Variants in TAFA5 observed in about 807,000 individuals in gnomAD.
TAFA5 encodes the protein chemokine-like protein TAFA-5.
In TAFA5, 6 loss-of-function variants were observed where a neutral mutation model predicts 15.3. The ratio of observed to expected loss-of-function variants is 0.39; its 90% CI spans 0.21 to 0.77. The LOEUF is 0.77. TAFA5 is among the 30% of genes least tolerant of loss of function. The probability of loss-of-function intolerance (pLI) is 0.41; values close to 1 mark genes in which losing one functional copy is unlikely to be tolerated. For synonymous variants in TAFA5, 103 were observed against 80.7 expected (o/e 1.28, Z -1.48); for missense variants, 161 against 193.1 (o/e 0.83, Z 0.98).
chr22:48,726,981 T>C (rs1337843681), intron 3 of TAFA5, among the ~76,000 whole-genome samples: 1 of 152,138 alleles, frequency 6.6e-6, no homozygotes, highest in Non-Finnish European at 1.5e-5. Flanking sequence ...TTCAGGTGTA[T>C]CTTCCGTACG....
chr22:48,547,986 A>AGTC (rs891665398), intron 1 of TAFA5, among the ~76,000 whole-genome samples: 1 of 152,116 alleles, frequency 6.6e-6, no homozygotes, highest in Non-Finnish European at 1.5e-5. Context: ...CTCCAGCCCC[A>AGTC]GTCCTGCCCT....
chr22:48,689,009 AAAGAG>A (rs1468640194), intron 2 of TAFA5, among the ~76,000 whole-genome samples: 18 of 115,992 alleles, frequency 1.6e-4, no homozygotes, highest in Admixed American at 7.0e-4. Flanking sequence ...AAAAAAAAAA[AAAGAG>A]AGAGAAAACC....
At position 48,640,594 on chromosome 22, in the gene TAFA5, C is replaced by T. The variant is rs112551011; in HGVS notation, c.113-6003C>T. Among the ~76,000 whole-genome samples, 1,087 of 149,280 alleles carry T rather than the reference C, an allele frequency of 7.3e-3. 15 individuals carry two copies. The highest frequency in any genetic ancestry group is 0.025 in the African/African-American group (1,034 of 41,190). ...CTGTGGGTGATGAGAGGCGTTTACCCCGGGGCCATTTCTTGCAGAGGCTGG... is the reference window on the plus strand; with the variant it reads ...CTGTGGGTGATGAGAGGCGTTTACCTCGGGGCCATTTCTTGCAGAGGCTGG... On this transcript the variant is annotated intron_variant, in intron 1 of 3. Coordinates refer to ENST00000402357, the MANE Select transcript of TAFA5 (RefSeq NM_001082967.3).
chr22:48,656,134 G>A (rs554288467), intron 2 of TAFA5, among the ~76,000 whole-genome samples: 5 of 151,984 alleles, frequency 3.3e-5, no homozygotes, highest in South Asian at 2.1e-4. Flanking sequence ...GAGCCACCAC[G>A]CCCGGCCGAC....
intron 1 of TAFA5, among the ~76,000 whole-genome samples, chr22:48,574,309 A>G (rs1341017950): frequency 6.6e-6 from 1 of 151,804 alleles, no homozygotes; most frequent in Non-Finnish European, 1.5e-5. Context: ...GAGGGTGATG[A>G]GCCAGAGGTG....
chr22:48,577,937 GC>G (rs1289159520), intron 1 of TAFA5, among the ~76,000 whole-genome samples: 1 of 152,228 alleles, frequency 6.6e-6, no homozygotes, highest in Non-Finnish European at 1.5e-5. Context: ...AGCACTTGGG[GC>G]TGGGGAGGCC....
At chr22:48,740,355 T>TGAGGACTCACA (rs1930145004) in intron 3 of TAFA5, among the ~76,000 whole-genome samples, 1 of 152,216 alleles carries the variant, frequency 6.6e-6, no homozygotes, top group Non-Finnish European at 1.5e-5. Flanking sequence ...TGCGTGGCTC[T>TGAGGACTCACA]GAGGACTCAC....
chr22:48,662,565 G>A (rs577429963), intron 2 of TAFA5, among the ~76,000 whole-genome samples: 2 of 152,268 alleles, frequency 1.3e-5, no homozygotes, highest in East Asian at 3.9e-4. Flanking sequence ...CCCAGGCCTG[G>A]GTGTATGTGC....
rs768777479 is a variant in TAFA5 at position 48,537,823 on chromosome 22, C to T, written c.112+48119C>T. Among the ~76,000 whole-genome samples the T allele has an allele frequency of 1.8e-4, 28 of 152,194 alleles. 1 individual carries two copies. Among genetic ancestry groups the T allele is most frequent in the Non-Finnish European group, 3.5e-4 (24 of 68,042 alleles). ...GCCGGAGTGAAGAGAGCAGGAGAGG[C>T]CTTGGGCAGACCCTGTACCCCTGGT... is the stretch of plus-strand genomic sequence containing the variant. On this transcript the variant is annotated intron_variant, in intron 1 of 3. Coordinates refer to ENST00000402357, the MANE Select transcript of TAFA5 (RefSeq NM_001082967.3).
chr22:48,684,726 T>C (rs130106), intron 2 of TAFA5, among the ~76,000 whole-genome samples: 129,654 of 152,182 alleles, frequency 0.85, 55,722 homozygotes, highest in African/African-American at 0.89. Context: ...TGTGTCTGGG[T>C]AAAATCCCCC....
chr22:48,548,762 G>A (rs1003224799), intron 1 of TAFA5, among the ~76,000 whole-genome samples: 7 of 152,246 alleles, frequency 4.6e-5, no homozygotes, highest in African/African-American at 7.2e-5. Context: ...AGGTGAGAGC[G>A]TGCATGAGAG....
At chr22:48,554,445 G>T (rs1318668854) in intron 1 of TAFA5, among the ~76,000 whole-genome samples, 2 of 152,140 alleles carry the variant, frequency 1.3e-5, no homozygotes, top group Non-Finnish European at 2.9e-5. Context: ...GTAAAAAAAT[G>T]TTCCCAACAT....
At chr22:48,498,583 A>G (rs916683747) in intron 1 of TAFA5, among the ~76,000 whole-genome samples, 10 of 152,194 alleles carry the variant, frequency 6.6e-5, no homozygotes, top group African/African-American at 2.2e-4. Context: ...TGTTCTCGTT[A>G]AAGTTGCACT....
At chr22:48,508,761 T>C (rs1214734296) in intron 1 of TAFA5, among the ~76,000 whole-genome samples, 2 of 152,204 alleles carry the variant, frequency 1.3e-5, no homozygotes, top group Non-Finnish European at 2.9e-5. Flanking sequence ...TGTGTGGTGA[T>C]CAAATCAGAG....
At chr22:48,748,997 G>A (rs1930405696) in intron 3 of TAFA5, among the ~76,000 whole-genome samples, 1 of 152,198 alleles carries the variant, frequency 6.6e-6, no homozygotes, top group Non-Finnish European at 1.5e-5. Flanking sequence ...CCCAGGGAAA[G>A]GGTGAGTGTC....
chr22:48,674,602 A>T (rs1010779063), intron 2 of TAFA5, among the ~76,000 whole-genome samples: 4 of 152,048 alleles, frequency 2.6e-5, no homozygotes, highest in African/African-American at 9.7e-5. Flanking sequence ...GTGCAGTTAG[A>T]CGCTGCATCT....
chr22:48,628,979 TGAGTAAAGAGGAGAG>T (rs919443265), intron 1 of TAFA5, among the ~76,000 whole-genome samples: 1 of 151,928 alleles, frequency 6.6e-6, no homozygotes, highest in African/African-American at 2.4e-5. Context: ...CCCTTAGACC[TGAGTAAAGAGGAGAG>T]GAGTAAAGAG....
At chr22:48,533,847 AAGC>A (rs1922055612) in intron 1 of TAFA5, among the ~76,000 whole-genome samples, 1 of 152,132 alleles carries the variant, frequency 6.6e-6, no homozygotes, top group Non-Finnish European at 1.5e-5. Flanking sequence ...GAAAATGGGG[AAGC>A]AGCAGCCGTG....
At chr22:48,593,167 C>T (rs1218801117) in intron 1 of TAFA5, among the ~76,000 whole-genome samples, 1 of 152,226 alleles carries the variant, frequency 6.6e-6, no homozygotes, top group Non-Finnish European at 1.5e-5. Flanking sequence ...ATCACTCTTT[C>T]CCAGCTTGAC....
Sources: allele counts gnomAD v4.1 joint callset (sites outside exome capture counted in the v4.1 genomes callset), GRCh38; gene constraint gnomAD v4.1.1; transcripts MANE v1.5; gene names NCBI Gene and HGNC (gene_info 2026-07-23, HGNC 2026-07-21).